The following TERF2IP variants were observed in gnomAD, a reference collection of about 807,000 sequenced individuals.
TERF2IP encodes telomeric repeat-binding factor 2-interacting protein 1.
A neutral mutation model predicts 33.3 loss-of-function variants in TERF2IP; 35 were observed. The ratio of observed to expected loss-of-function variants is 1.05; its 90% CI spans 0.80 to 1.39. The LOEUF is 1.39. TERF2IP is among the 40% of genes most tolerant of loss of function. The pLI, the probability that TERF2IP is intolerant of heterozygous loss-of-function variation, is 0.00. For missense variants in TERF2IP, 583 were observed against 524.8 expected, an observed-to-expected ratio of 1.11 and a Z score of -1.08; for synonymous variants, 253 against 223.2, an observed-to-expected ratio of 1.13 and a Z score of -1.19.
chr16:75,648,745 C>T (rs1317273962), intron 1 of TERF2IP, 193 bp downstream of exon 1: 6 of 1,405,112 alleles, frequency 4.3e-6, no homozygotes, highest in Non-Finnish European at 5.6e-6. Context: ...TCTTTTTTTG[C>T]GATGGGTCTC....
chr16:75,648,237 G>C lies in TERF2IP; in HGVS notation c.355G>C (p.Ala119Pro). ...TGSEAKPGAL[A>P]EGAAEPEPQR... ...CTCGGAAGCAAAGCCCGGGGCCCTG[G>C]CCGAGGGCGCCGCGGAGCCGGAGCC... Residue 119 changes from alanine to proline, a missense_variant, in exon 1 of 3, where the codon GCC becomes CCC. By Grantham distance (27) the Ala-to-Pro change is conservative. Transcript: ENST00000300086. 6.5e-7 allele frequency: 1 copy of C among 1,544,594 alleles called. No individual in the cohort carries two copies. The highest frequency in any genetic ancestry group is 8.7e-7 in the Non-Finnish European group (1 of 1,144,950).
chr16:75,654,037 T>C (rs888924794), intron 1 of TERF2IP, among the ~76,000 whole-genome samples: 2 of 151,872 alleles, frequency 1.3e-5, no homozygotes, highest in Admixed American at 6.6e-5. Context: ...TTTAAGAATG[T>C]ATCATTGTTT....
chr16:75,649,244 T>C (rs2082328379), intron 1 of TERF2IP, among the ~76,000 whole-genome samples: 1 of 152,162 alleles, frequency 6.6e-6, no homozygotes, highest in Non-Finnish European at 1.5e-5. Flanking sequence ...ACAAAAAGTA[T>C]ATAGAAAATT....
rs563030981 is a variant in TERF2IP at position 75,657,266 on chromosome 16, C to T, written c.*655C>T. The T allele has an allele frequency of 3.3e-5, 5 of 152,336 alleles. No homozygotes were observed. Among genetic ancestry groups the T allele is most frequent in the South Asian group, 2.1e-4 (1 of 4,824 alleles). 9.4% of individuals were successfully genotyped at this position (152,336 alleles called of 1,614,324 possible). Reference sequence around the variant, plus strand: ...ACCTACCCCTCAGTTTTCCTTAAAACGCGCACACAACTCTAGAGAGTGTTA... The same window carrying T: ...ACCTACCCCTCAGTTTTCCTTAAAATGCGCACACAACTCTAGAGAGTGTTA... On this transcript the variant is annotated 3_prime_UTR_variant, in exon 3 of 3. Coordinates refer to ENST00000300086, the MANE Select transcript of TERF2IP (RefSeq NM_018975.4).
Position 75,656,503 on chromosome 16 carries a change from A to T in TERF2IP, c.1092A>T (p.Arg364=). 1 of 1,614,210 alleles carries T rather than the reference A, an allele frequency of 6.2e-7. No individual in the cohort carries two copies. The highest frequency in any genetic ancestry group is 1.1e-5 in the South Asian group (1 of 91,080). ...CTGATGGATATCCCATTTGGTCCCG[A>T]CAAGATGACATAGATTTGCAAAAAG... The part of the protein sequence containing the change: ...QRADGYPIWS[R]QDDIDLQKDD... The change falls in exon 3 of 3, where the codon CGA becomes CGT. Residue 364 remains arginine, a synonymous_variant. Transcript: ENST00000300086.
At chr16:75,650,479 G>A (rs2082338949) in intron 1 of TERF2IP, among the ~76,000 whole-genome samples, 1 of 152,184 alleles carries the variant, frequency 6.6e-6, no homozygotes, top group Non-Finnish European at 1.5e-5. Context: ...TTAGGGCTAT[G>A]TGTATGGGTG....
In TERF2IP at chr16:75,648,026, C is replaced by G. The variant is rs779702070; in HGVS notation, c.144C>G (p.His48Gln). 6.2e-7 allele frequency: 1 copy of G among 1,611,760 alleles called. No individual in the cohort carries two copies. Among genetic ancestry groups the G allele is most frequent in the South Asian group, 1.1e-5 (1 of 90,916 alleles). Residue 48 changes from histidine to glutamine, a missense_variant, in exon 1 of 3, where the codon CAC becomes CAG. Coordinates refer to ENST00000300086, the MANE Select transcript of TERF2IP (RefSeq NM_018975.4). ...AKRRLSTLIL[H>Q]GGGTVCRVQE... is the part of the protein sequence containing the mutation. The stretch of plus-strand genomic sequence containing the variant: ...GTCGGCTGTCGACGCTCATCCTGCA[C>G]GGCGGCGGCACCGTGTGCCGAGTGC...
In TERF2IP at chr16:75,648,496, C is replaced by T; in HGVS notation, c.614C>T (p.Ser205Phe). 1 of 1,587,774 alleles carries T rather than the reference C, an allele frequency of 6.3e-7. No individual in the cohort carries two copies. The highest frequency in any genetic ancestry group is 1.1e-5 in the South Asian group (1 of 87,484). Residue 205 changes from serine to phenylalanine, a missense_variant, in exon 1 of 3, where the codon TCC (serine) becomes TTC (phenylalanine). Ser to Phe is a radical substitution (Grantham distance 155). Coordinates refer to ENST00000300086, the MANE Select transcript of TERF2IP (RefSeq NM_018975.4). ...YLLGDAPVSP[S>F]SQKLKRKAEE... ...CTGGGGGACGCGCCGGTGAGCCCCT[C>T]CTCCCAGAAGCTCAAGCGGAAGGCG...
At position 75,653,879 on chromosome 16, in the gene TERF2IP, A is replaced by T. The variant is rs1259342143; in HGVS notation, c.671-394A>T. Among the ~76,000 whole-genome samples, 6 of 152,102 alleles carry T rather than the reference A, an allele frequency of 3.9e-5. No individual in the cohort carries two copies. In the East Asian group the frequency reaches 1.2e-3, roughly 29 times the overall value. On this transcript the variant is annotated intron_variant, in intron 1 of 2. Transcript: ENST00000300086. Reference sequence around the variant, plus strand: ...TGCTCTTCCACAAAGGTTTTCCCAAAATCACTTCCCAATTCTTTAAATTTC... The same window carrying T: ...TGCTCTTCCACAAAGGTTTTCCCAATATCACTTCCCAATTCTTTAAATTTC...
chr16:75,651,440 G>C (rs1257672971), intron 1 of TERF2IP, among the ~76,000 whole-genome samples: 2 of 152,148 alleles, frequency 1.3e-5, no homozygotes, highest in East Asian at 1.9e-4. Context: ...TGTAATCCTA[G>C]CACTTTGGGA....
At chr16:75,656,145 A>G (rs971651278) in intron 2 of TERF2IP, 62 bp from the exon 3 acceptor site, 12 of 1,497,504 alleles carry the variant, frequency 8.0e-6, no homozygotes, top group South Asian at 1.3e-5. Context: ...GGAAGAGACC[A>G]GATATTGTAA....
At chr16:75,649,816 A>C (rs992477057) in intron 1 of TERF2IP, among the ~76,000 whole-genome samples, 1 of 152,108 alleles carries the variant, frequency 6.6e-6, no homozygotes, top group African/African-American at 2.4e-5. Flanking sequence ...TTGAATTGAA[A>C]ATTGGGGTTC....
At chr16:75,649,695 G>T (rs898653651) in intron 1 of TERF2IP, among the ~76,000 whole-genome samples, 3 of 152,186 alleles carry the variant, frequency 2.0e-5, no homozygotes, top group African/African-American at 4.8e-5. Context: ...AGGCGTACCA[G>T]ACTTACTTTA....
At chr16:75,648,615 T>C (rs1050868875) in intron 1 of TERF2IP, 63 bp downstream of exon 1, 3 of 1,452,460 alleles carry the variant, frequency 2.1e-6, no homozygotes, top group Admixed American at 5.1e-5. Context: ...ATCTTTCTCC[T>C]GGCTGCCTGG....
At position 75,648,023 on chromosome 16, in the gene TERF2IP, G is replaced by A. The variant is rs1441518743; in HGVS notation, c.141G>A (p.Leu47=). Residue 47 remains leucine (L), a synonymous_variant, in exon 1 of 3, where the codon CTG becomes CTA. Coordinates refer to ENST00000300086, the MANE Select transcript of TERF2IP (RefSeq NM_018975.4). ...PAKRRLSTLI[L]HGGGTVCRVQ... ...AGCGTCGGCTGTCGACGCTCATCCT[G>A]CACGGCGGCGGCACCGTGTGCCGAG... is the stretch of plus-strand genomic sequence containing the variant. 6.2e-7 allele frequency: 1 copy of A among 1,611,800 alleles called. No individual in the cohort carries two copies. Among genetic ancestry groups the A allele is most frequent in the Non-Finnish European group, 8.5e-7 (1 of 1,179,348 alleles).
intron 2 of TERF2IP, among the ~76,000 whole-genome samples, chr16:75,655,373 A>G (rs1173902505): frequency 6.6e-6 from 1 of 152,236 alleles, no homozygotes; most frequent in South Asian, 2.1e-4. Flanking sequence ...AATTATATGT[A>G]TATATTTTTC....
At chr16:75,649,985 A>G (rs777133768) in intron 1 of TERF2IP, among the ~76,000 whole-genome samples, 4 of 152,156 alleles carry the variant, frequency 2.6e-5, no homozygotes, top group Non-Finnish European at 5.9e-5. Flanking sequence ...TGACTACTCC[A>G]TTTAACACTT....
chr16:75,652,032 T>C (rs1173253237), intron 1 of TERF2IP, among the ~76,000 whole-genome samples: 1 of 152,200 alleles, frequency 6.6e-6, no homozygotes, highest in Non-Finnish European at 1.5e-5. Context: ...GGGGGCATTT[T>C]GACAATATCT....
chr16:75,654,195 A>C, intron 1 of TERF2IP, 78 bp from the exon 2 acceptor site: 4 of 1,157,508 alleles, frequency 3.5e-6, no homozygotes, highest in Non-Finnish European at 2.3e-6. Flanking sequence ...CTCCTGGCCC[A>C]GAGCTCACAC....
Sources: gnomAD v4.1 joint callset for allele counts (sites outside exome capture counted in the v4.1 genomes callset) on GRCh38, gnomAD v4.1.1 for gene constraint, MANE v1.5 for transcripts, NCBI Gene and HGNC (gene_info 2026-07-23, HGNC 2026-07-21) for gene names.